The following ANGPT1 variants were observed in gnomAD, a reference collection of about 807,000 sequenced individuals.
ANGPT1 encodes the protein angiopoietin-1.
In ANGPT1, 17 loss-of-function variants were observed where a neutral mutation model predicts 62.2. The ratio of observed to expected loss-of-function variants is 0.27; its 90% confidence interval spans 0.19 to 0.41. ANGPT1 has a LOEUF of 0.41. ANGPT1 is among the 10% of genes least tolerant of loss of function. ANGPT1 has a pLI of 1.00. For missense variants in ANGPT1, 478 were observed against 594.9 expected (o/e 0.80, Z 2.04); for synonymous variants, 199 against 198.9 (o/e 1.00, Z 0.00).
chr8:107,330,623 A>G (rs998932719), intron 3 of ANGPT1, among the ~76,000 whole-genome samples: 1 of 152,186 alleles, frequency 6.6e-6, no homozygotes, highest in African/African-American at 2.4e-5. Context: ...TAAGGACTGG[A>G]GTGGCACATA....
chr8:107,347,124 T>C (rs748644497), intron 1 of ANGPT1, 27 bp from the exon 2 acceptor site: 26 of 1,596,518 alleles, frequency 1.6e-5, no homozygotes, highest in Non-Finnish European at 2.0e-5. Flanking sequence ...ACAAAACATA[T>C]TACATTATAA....
At chr8:107,271,407 CAGT>C (rs1418497436) in intron 7 of ANGPT1, among the ~76,000 whole-genome samples, 19 of 152,016 alleles carry the variant, frequency 1.2e-4, no homozygotes, top group African/African-American at 4.3e-4. Flanking sequence ...ATAAAATATA[CAGT>C]AGTTCAATAG....
chr8:107,479,651 G>C (rs1812623763), intron 1 of ANGPT1, among the ~76,000 whole-genome samples: 1 of 152,128 alleles, frequency 6.6e-6, no homozygotes, highest in Admixed American at 6.6e-5. Context: ...AACATGACAG[G>C]TTAAGTAGCA....
At chr8:107,425,548 G>A (rs1004715110) in intron 1 of ANGPT1, among the ~76,000 whole-genome samples, 10 of 152,204 alleles carry the variant, frequency 6.6e-5, no homozygotes, top group Admixed American at 6.5e-4. Flanking sequence ...ACATCACACT[G>A]CTCCTCTACA....
chr8:107,292,243 T>C (rs1487416439), intron 6 of ANGPT1, among the ~76,000 whole-genome samples: 4 of 152,272 alleles, frequency 2.6e-5, no homozygotes, highest in Middle Eastern at 3.4e-3. Flanking sequence ...CTGTTACAGA[T>C]GTAATTTCTA....
chr8:107,444,151 A>G (rs1811553732), intron 1 of ANGPT1, among the ~76,000 whole-genome samples: 1 of 152,230 alleles, frequency 6.6e-6, no homozygotes, highest in South Asian at 2.1e-4. Context: ...CACTGGCACC[A>G]GTGCTTAATG....
chr8:107,450,705 G>GGA (rs1554595531), intron 1 of ANGPT1, among the ~76,000 whole-genome samples: 4 of 142,292 alleles, frequency 2.8e-5, no homozygotes, highest in African/African-American at 5.4e-5. Context: ...AATGGGAATA[G>GGA]GTGTGTGTGT....
At chr8:107,341,876 C>G (rs1312676288) in intron 2 of ANGPT1, among the ~76,000 whole-genome samples, 1 of 151,778 alleles carries the variant, frequency 6.6e-6, no homozygotes, top group East Asian at 1.9e-4. Flanking sequence ...AAGCAGCTTC[C>G]CTCTGGTTAG....
intron 1 of ANGPT1, among the ~76,000 whole-genome samples, chr8:107,446,728 C>A (rs1039759811): frequency 6.6e-6 from 1 of 152,158 alleles, no homozygotes; most frequent in East Asian, 1.9e-4. Context: ...AAGAATAGAA[C>A]TTAATAGACC....
At chr8:107,279,769 GA>G (rs971215592) in intron 7 of ANGPT1, among the ~76,000 whole-genome samples, 29 of 60,388 alleles carry the variant, frequency 4.8e-4, no homozygotes, top group Non-Finnish European at 3.8e-4. Context: ...ACACTCAAAG[GA>G]AGGGGGGGGG....
intron 7 of ANGPT1, among the ~76,000 whole-genome samples, chr8:107,271,744 C>T (rs945987528): frequency 6.6e-6 from 1 of 151,878 alleles, no homozygotes; most frequent in Non-Finnish European, 1.5e-5. Context: ...TCTAGATGGT[C>T]TGAATAAATA....
At chr8:107,311,266 T>C (rs751402535) in intron 4 of ANGPT1, among the ~76,000 whole-genome samples, 2 of 150,256 alleles carry the variant, frequency 1.3e-5, no homozygotes, top group Non-Finnish European at 2.9e-5. Context: ...GCATGCTATA[T>C]ACTTTTCCAG....
chr8:107,414,331 T>G (rs996082963), intron 1 of ANGPT1, among the ~76,000 whole-genome samples: 2 of 152,158 alleles, frequency 1.3e-5, no homozygotes, highest in Non-Finnish European at 2.9e-5. Context: ...AAAGAAGATT[T>G]TAAATGTTCT....
At chr8:107,347,334 G>A (rs1815828442) in intron 1 of ANGPT1, among the ~76,000 whole-genome samples, 1 of 152,120 alleles carries the variant, frequency 6.6e-6, no homozygotes, top group Non-Finnish European at 1.5e-5. Flanking sequence ...ATGACAATTT[G>A]CACTTGGATC....
chr8:107,262,335 A>C (rs2514880), intron 8 of ANGPT1, among the ~76,000 whole-genome samples: 132,859 of 152,252 alleles, frequency 0.87, 58,008 homozygotes, highest in Middle Eastern at 0.92. Flanking sequence ...AAAAGATGGT[A>C]ATTCATGTAC....
At chr8:107,262,304 T>C (rs1198305808) in intron 8 of ANGPT1, among the ~76,000 whole-genome samples, 1 of 152,204 alleles carries the variant, frequency 6.6e-6, no homozygotes, top group Non-Finnish European at 1.5e-5. Context: ...GTTTTAAAAT[T>C]TGAAAGTTAT....
At chr8:107,297,873 C>T (rs985888113) in intron 5 of ANGPT1, among the ~76,000 whole-genome samples, 2 of 151,210 alleles carry the variant, frequency 1.3e-5, no homozygotes, top group African/African-American at 2.4e-5. Context: ...AAATAAAAGC[C>T]TATGCTTAAC....
chr8:107,361,038 A>C (rs1332544205), intron 1 of ANGPT1, among the ~76,000 whole-genome samples: 3 of 152,170 alleles, frequency 2.0e-5, no homozygotes, highest in African/African-American at 7.2e-5. Context: ...ACCAAAACAG[A>C]GACATCATCT....
At chr8:107,475,075 A>T (rs1003414550) in intron 1 of ANGPT1, among the ~76,000 whole-genome samples, 3 of 152,312 alleles carry the variant, frequency 2.0e-5, no homozygotes, top group African/African-American at 7.2e-5. Flanking sequence ...ACAGAATTAG[A>T]CAAAAGTACT....
Sources: gnomAD v4.1 joint callset for allele counts (sites outside exome capture counted in the v4.1 genomes callset) on GRCh38, gnomAD v4.1.1 for gene constraint, MANE v1.5 for transcripts, NCBI Gene and HGNC (gene_info 2026-07-23, HGNC 2026-07-21) for gene names.